Variants in SPAG16 observed in about 807,000 individuals in gnomAD.
SPAG16 encodes the protein sperm associated antigen 16, also known as sperm-associated antigen 16 protein.
A neutral mutation model predicts 80.4 loss-of-function variants in SPAG16; 86 were observed. The observed-to-expected ratio is 1.07, with a 90% CI of 0.90 to 1.28. The LOEUF is 1.28. Among genes scored for constraint, SPAG16 ranks in the 50% most tolerant of loss-of-function variants. SPAG16 has a pLI of 0.00. For missense variants in SPAG16, 870 were observed against 765.3 expected, an observed-to-expected ratio of 1.14 and a Z score of -1.61; for synonymous variants, 294 against 265.9, an observed-to-expected ratio of 1.11 and a Z score of -1.03.
At chr2:213,950,105 TTAAACTGTTA>T (rs546452658) in intron 12 of SPAG16, among the ~76,000 whole-genome samples, 1 of 152,216 alleles carries the variant, frequency 6.6e-6, no homozygotes, top group Non-Finnish European at 1.5e-5. Flanking sequence ...CACCTGAATA[TTAAACTGTTA>T]TAAACTGTTA....
chr2:213,933,911 C>A (rs546041836), intron 12 of SPAG16, among the ~76,000 whole-genome samples: 2 of 152,174 alleles, frequency 1.3e-5, no homozygotes, highest in African/African-American at 4.8e-5. Flanking sequence ...AAACTATGAG[C>A]CTATCCTTAA....
chr2:214,132,720 T>A (rs1271165557), intron 14 of SPAG16, among the ~76,000 whole-genome samples: 1 of 151,534 alleles, frequency 6.6e-6, no homozygotes, highest in Non-Finnish European at 1.5e-5. Context: ...GCCAATAGAG[T>A]AACATATGGG....
chr2:214,189,614 A>G (rs2057591224), intron 15 of SPAG16, among the ~76,000 whole-genome samples: 1 of 152,100 alleles, frequency 6.6e-6, no homozygotes, highest in African/African-American at 2.4e-5. Context: ...CTATCACCAA[A>G]GCAGCAAATG....
intron 10 of SPAG16, among the ~76,000 whole-genome samples, chr2:213,527,853 A>C (rs2075943189): frequency 6.6e-6 from 1 of 152,224 alleles, no homozygotes; most frequent in Non-Finnish European, 1.5e-5. Context: ...TATTTCTTGC[A>C]GCACATAGAA....
chr2:213,416,563 T>TA (rs1363081204), intron 9 of SPAG16, among the ~76,000 whole-genome samples: 3 of 151,442 alleles, frequency 2.0e-5, no homozygotes, highest in Non-Finnish European at 4.4e-5. Flanking sequence ...CTTTTTTTGT[T>TA]ACACCACAGC....
At chr2:214,226,709 C>T (rs2058705859) in intron 15 of SPAG16, among the ~76,000 whole-genome samples, 1 of 151,990 alleles carries the variant, frequency 6.6e-6, no homozygotes, top group African/African-American at 2.4e-5. Flanking sequence ...CACACAAGAT[C>T]ACATTTTGGA....
At chr2:214,018,024 A>G (rs1387745841) in intron 13 of SPAG16, among the ~76,000 whole-genome samples, 4 of 152,118 alleles carry the variant, frequency 2.6e-5, no homozygotes, top group Non-Finnish European at 5.9e-5. Context: ...ATATTTTCAA[A>G]CCAAGTAGAA....
intron 10 of SPAG16, among the ~76,000 whole-genome samples, chr2:213,564,623 A>C (rs1260543592): frequency 1.3e-5 from 2 of 152,176 alleles, no homozygotes; most frequent in Admixed American, 1.3e-4. Context: ...CTTGTAGTAC[A>C]TGCCTTGTAG....
At chr2:213,602,300 A>G (rs890747105) in intron 10 of SPAG16, among the ~76,000 whole-genome samples, 1 of 152,176 alleles carries the variant, frequency 6.6e-6, no homozygotes, top group African/African-American at 2.4e-5. Context: ...CCAGATCTAT[A>G]ATTTAAAATA....
At chr2:213,874,720 A>C (rs2076079719) in intron 11 of SPAG16, among the ~76,000 whole-genome samples, 2 of 152,102 alleles carry the variant, frequency 1.3e-5, no homozygotes, top group Admixed American at 6.6e-5. Context: ...GCAGTCCATC[A>C]CTGACTGCAA....
chr2:213,360,099 A>G (rs981730641), intron 7 of SPAG16, among the ~76,000 whole-genome samples: 4 of 152,198 alleles, frequency 2.6e-5, no homozygotes, highest in African/African-American at 9.6e-5. Context: ...TCAAATTTAA[A>G]TAGGAGGTGC....
At chr2:214,085,547 A>G (rs1015986803) in intron 13 of SPAG16, among the ~76,000 whole-genome samples, 14 of 152,184 alleles carry the variant, frequency 9.2e-5, no homozygotes, top group African/African-American at 3.1e-4. Flanking sequence ...TACTTCCTCA[A>G]ATTCCCAAAT....
intron 15 of SPAG16, among the ~76,000 whole-genome samples, chr2:214,342,956 A>C (rs894213770): frequency 6.6e-6 from 1 of 152,188 alleles, no homozygotes. Context: ...AACCCTGACA[A>C]TGAAAAGGTT....
At chr2:213,430,949 C>T (rs540826717) in intron 9 of SPAG16, among the ~76,000 whole-genome samples, 2 of 152,172 alleles carry the variant, frequency 1.3e-5, no homozygotes, top group East Asian at 3.9e-4. Flanking sequence ...GAAAAAACTG[C>T]CAACCCCAAA....
chr2:214,319,566 G>A (rs1158562733), intron 15 of SPAG16, among the ~76,000 whole-genome samples: 2 of 151,886 alleles, frequency 1.3e-5, no homozygotes, highest in Admixed American at 1.3e-4. Flanking sequence ...CTAGGTGAAA[G>A]TCATGGTAGA....
At chr2:213,981,664 A>G (rs76533164) in intron 12 of SPAG16, among the ~76,000 whole-genome samples, 3,738 of 152,130 alleles carry the variant, frequency 0.025, 147 homozygotes, top group African/African-American at 0.086. Flanking sequence ...GTAGCTTCTT[A>G]TTAGAGGGTC....
chr2:214,230,216 A>G (rs1391236258), intron 15 of SPAG16, among the ~76,000 whole-genome samples: 2 of 151,992 alleles, frequency 1.3e-5, no homozygotes, highest in Non-Finnish European at 1.5e-5. Context: ...ACGTGATTCT[A>G]GATAATATTT....
At chr2:213,914,784 T>C (rs1403976516) in intron 11 of SPAG16, among the ~76,000 whole-genome samples, 7 of 152,220 alleles carry the variant, frequency 4.6e-5, no homozygotes, top group African/African-American at 1.7e-4. Context: ...ATGTATGTCT[T>C]CTTTTGGAAA....
chr2:213,472,065 A>T (rs2081314), intron 9 of SPAG16, among the ~76,000 whole-genome samples: 2,215 of 152,336 alleles, frequency 0.015, 24 homozygotes, highest in South Asian at 0.038. Flanking sequence ...TTTCATCAGT[A>T]TAAGACATGA....
Sources: allele counts gnomAD v4.1 joint callset (sites outside exome capture counted in the v4.1 genomes callset), GRCh38; gene constraint gnomAD v4.1.1; transcripts MANE v1.5; gene names NCBI Gene and HGNC (gene_info 2026-07-23, HGNC 2026-07-21).